CLCN3: variants seen among roughly 807,000 people sequenced by gnomAD.
CLCN3 encodes Cl-/H+ antiporter 3.
Under a neutral mutation model 83.4 loss-of-function variants are expected in CLCN3, and 16 were observed. The observed-to-expected ratio is 0.19, with a 90% CI of 0.13 to 0.29. The LOEUF (loss-of-function observed/expected upper bound fraction) is 0.29. Among genes scored for constraint, CLCN3 ranks in the 10% least tolerant of loss-of-function variants. CLCN3 has a pLI of 1.00. For missense variants in CLCN3, 544 were observed against 1,006.0 expected (o/e 0.54, Z 6.21); for synonymous variants, 322 against 346.2 (o/e 0.93, Z 0.78).
At chr4:169,633,144 C>T (rs562597666) in intron 1 of CLCN3, among the ~76,000 whole-genome samples, 20 of 152,226 alleles carry the variant, frequency 1.3e-4, no homozygotes, top group Non-Finnish European at 1.9e-4. Context: ...TCCTTAGTAG[C>T]TGGGGTTACA....
In CLCN3 at chr4:169,690,526, T is replaced by G. The variant is rs766733844; in HGVS notation, c.607-4T>G. The G allele has an allele frequency of 5.0e-6, 8 of 1,604,172 alleles. No individual in the cohort carries two copies. The highest frequency in any genetic ancestry group is 1.1e-5 in the South Asian group (1 of 88,702). On this transcript the variant is annotated splice_region_variant and splice_polypyrimidine_tract_variant and intron_variant, in intron 5 of 12. Coordinates refer to ENST00000513761, the MANE Select transcript of CLCN3 (RefSeq NM_001829.4). ...TTCATACTCTCGAACTATTTTCTTT[T>G]TAGGGTCCTGGTTCTTATATCATGA...
chr4:169,693,601 G>A (rs1309464646), intron 7 of CLCN3, among the ~76,000 whole-genome samples: 1 of 152,148 alleles, frequency 6.6e-6, no homozygotes, highest in African/African-American at 2.4e-5. Flanking sequence ...TTACGACTAT[G>A]TGGGTATATA....
intron 2 of CLCN3, chr4:169,663,699 A>G: frequency 2.7e-6 from 1 of 375,856 alleles, no homozygotes; most frequent in Admixed American, 3.4e-5. Flanking sequence ...TTTATGAAGT[A>G]GGTACTGTTA....
chr4:169,684,084 C>G (rs1329417300), intron 3 of CLCN3, among the ~76,000 whole-genome samples: 1 of 152,190 alleles, frequency 6.6e-6, no homozygotes, highest in African/African-American at 2.4e-5. Context: ...TGCATATACC[C>G]AACCTAATTC....
chr4:169,626,579 A>C (rs1284912283), intron 1 of CLCN3, among the ~76,000 whole-genome samples: 1 of 152,210 alleles, frequency 6.6e-6, no homozygotes. Flanking sequence ...CAGGCTGTGG[A>C]AGATTAGAGT....
chr4:169,721,828 A>T lies in CLCN3; in HGVS notation c.*1831A>T, dbSNP rs1364656523. ...TATGCATTTTTGATAGGAAAATGAAATTTTTGCAAACAGACATTTTCTTTT... is the reference window on the plus strand; with the variant it reads ...TATGCATTTTTGATAGGAAAATGAATTTTTTGCAAACAGACATTTTCTTTT... On this transcript the variant is annotated 3_prime_UTR_variant, in exon 13 of 13. Coordinates refer to ENST00000513761, the MANE Select transcript of CLCN3 (RefSeq NM_001829.4). The T allele has an allele frequency of 1.3e-5, 2 of 152,082 alleles. No homozygotes were observed. The highest frequency in any genetic ancestry group is 3.9e-4 in the East Asian group (2 of 5,194). 9.4% of individuals were successfully genotyped at this position (152,082 alleles called of 1,614,324 possible).
intron 2 of CLCN3, among the ~76,000 whole-genome samples, chr4:169,674,087 T>C (rs1731584472): frequency 6.6e-6 from 1 of 152,224 alleles, no homozygotes; most frequent in African/African-American, 2.4e-5. Flanking sequence ...TGTCCCACTG[T>C]GTCCTTTAGT....
intron 2 of CLCN3, among the ~76,000 whole-genome samples, chr4:169,653,123 T>C (rs1730773683): frequency 6.6e-6 from 1 of 152,168 alleles, no homozygotes. Flanking sequence ...AGGCTTTTTG[T>C]GTCTTAATTT....
chr4:169,719,932 A>T lies in CLCN3; in HGVS notation c.2392A>T (p.Lys798Ter). The change falls in exon 13 of 13, where the codon AAA (lysine) becomes TAA (stop). Residue 798 changes from lysine to a stop codon, truncating the protein, a stop_gained. Transcript: ENST00000513761. LOFTEE classifies it high-confidence loss of function. Reference protein sequence around the residue: ...NGRLLGIITKKDILRHMAQTA... With the variant: ...NGRLLGIITK ...GCGCCTCCTTGGCATTATAACAAAA[A>T]AAGATATCCTCCGGCATATGGCCCA... is the stretch of plus-strand genomic sequence containing the variant. 1 of 1,612,686 alleles carries T rather than the reference A, an allele frequency of 6.2e-7. No homozygotes were observed. Among genetic ancestry groups the T allele is most frequent in the Non-Finnish European group, 8.5e-7 (1 of 1,179,666 alleles).
intron 2 of CLCN3, among the ~76,000 whole-genome samples, chr4:169,645,638 G>A (rs1030271905): frequency 3.3e-5 from 5 of 152,126 alleles, no homozygotes; most frequent in African/African-American, 1.2e-4. Flanking sequence ...CCTGGCCCTT[G>A]TAAATGTTAG....
intron 2 of CLCN3, among the ~76,000 whole-genome samples, chr4:169,656,729 A>G (rs543976464): frequency 6.6e-6 from 1 of 152,286 alleles, no homozygotes; most frequent in African/African-American, 2.4e-5. Flanking sequence ...TGCAGTGGAC[A>G]GTGTTGGGTG....
intron 2 of CLCN3, among the ~76,000 whole-genome samples, chr4:169,664,013 CACAT>C (rs1183590266): frequency 1.3e-5 from 2 of 152,208 alleles, no homozygotes; most frequent in African/African-American, 2.4e-5. Context: ...AGACTGTTCT[CACAT>C]ACACAGGGGA....
chr4:169,639,488 C>T (rs1264744438), intron 2 of CLCN3, among the ~76,000 whole-genome samples: 16 of 152,008 alleles, frequency 1.1e-4, no homozygotes, highest in Admixed American at 1.0e-3. Context: ...TTTTGATATC[C>T]CTTTAGAATT....
intron 12 of CLCN3, chr4:169,717,806 T>C: frequency 6.2e-7 from 1 of 1,611,492 alleles, no homozygotes; most frequent in Non-Finnish European, 8.5e-7. Context: ...GTCTTGGGGA[T>C]CATCACAAAG....
At chr4:169,658,956 C>T (rs555658516) in intron 2 of CLCN3, among the ~76,000 whole-genome samples, 6 of 152,212 alleles carry the variant, frequency 3.9e-5, no homozygotes, top group African/African-American at 1.4e-4. Context: ...ATTTAGTACT[C>T]CACAAATTGA....
chr4:169,720,172 G>A lies in CLCN3; in HGVS notation c.*175G>A, dbSNP rs958295129. On this transcript the variant is annotated 3_prime_UTR_variant, in exon 13 of 13. Coordinates refer to ENST00000513761, the MANE Select transcript of CLCN3 (RefSeq NM_001829.4). ...TGCAAATAATGCTGGTGGAATGGAG[G>A]AGTTGTTTGGGGAGGGAAAGGAGAG... The A allele has an allele frequency of 5.6e-6, 5 of 898,604 alleles. No homozygotes were observed. In the East Asian group the frequency reaches 1.3e-4, roughly 23 times the overall value. The allele number at this position is 898,604 out of a possible 1,614,324, so 55.7% of individuals were successfully genotyped here.
At chr4:169,702,200 C>A (rs540841642) in intron 9 of CLCN3, among the ~76,000 whole-genome samples, 1 of 152,252 alleles carries the variant, frequency 6.6e-6, no homozygotes, top group Admixed American at 6.5e-5. Context: ...CCATCATCAC[C>A]TGATGGTTGC....
At chr4:169,658,836 C>T (rs897101991) in intron 2 of CLCN3, among the ~76,000 whole-genome samples, 3 of 152,044 alleles carry the variant, frequency 2.0e-5, no homozygotes, top group Non-Finnish European at 4.4e-5. Context: ...GGAACCCTGT[C>T]TCCCAAATTT....
chr4:169,699,486 T>A (rs1732692483), intron 9 of CLCN3, among the ~76,000 whole-genome samples: 1 of 152,226 alleles, frequency 6.6e-6, no homozygotes, highest in Non-Finnish European at 1.5e-5. Context: ...TAATGTGGAA[T>A]AACAGCTTTG....
Sources: allele counts gnomAD v4.1 joint callset (sites outside exome capture counted in the v4.1 genomes callset), GRCh38; gene constraint gnomAD v4.1.1; transcripts MANE v1.5; gene names NCBI Gene and HGNC (gene_info 2026-07-23, HGNC 2026-07-21).